MTHFD1L: variants seen among roughly 807,000 people sequenced by gnomAD.
The protein encoded by MTHFD1L is monofunctional C1-tetrahydrofolate synthase, mitochondrial.
MTHFD1L carries 81 observed loss-of-function variants against 119.5 expected under a neutral mutation model. That is an observed-to-expected ratio of 0.68 (90% confidence interval 0.57 to 0.82). MTHFD1L has a LOEUF of 0.82. MTHFD1L is among the 40% of genes least tolerant of loss of function. MTHFD1L has a pLI of 0.00. For synonymous variants in MTHFD1L, 430 were observed against 475.2 expected, an observed-to-expected ratio of 0.90 and a Z score of 1.24; for missense variants, 1,125 against 1,253.4, an observed-to-expected ratio of 0.90 and a Z score of 1.55.
chr6:150,885,695 C>A lies in MTHFD1L; in HGVS notation c.604C>A (p.Pro202Thr), dbSNP rs1448156543. 1 of 1,613,952 alleles carries A rather than the reference C, an allele frequency of 6.2e-7. No individual in the cohort carries two copies. Among genetic ancestry groups the A allele is most frequent in the Non-Finnish European group, 8.5e-7 (1 of 1,179,920 alleles). Residue 202 changes from proline to threonine, a missense_variant, in exon 6 of 28, where the codon CCT becomes ACT. Coordinates refer to ENST00000367321, the MANE Select transcript of MTHFD1L (RefSeq NM_015440.5). ...GGATGCCCATGAATGTTTTGTTTCA[C>A]CTGTTGCCAAAGCTGTAATTGAACT... ...RGDAHECFVS[P>T]VAKAVIELLE...
chr6:151,070,914 C>G (rs1043419043), intron 26 of MTHFD1L, among the ~76,000 whole-genome samples: 1 of 152,186 alleles, frequency 6.6e-6, no homozygotes, highest in Non-Finnish European at 1.5e-5. Flanking sequence ...GCATGCCATT[C>G]CCTAAAGCAG....
chr6:151,005,417 T>C (rs1375651292), intron 20 of MTHFD1L, among the ~76,000 whole-genome samples: 1 of 152,112 alleles, frequency 6.6e-6, no homozygotes, highest in East Asian at 1.9e-4. Flanking sequence ...TTCAGGACAG[T>C]TTTCAAACTG....
rs953153626 is a variant in MTHFD1L at position 150,936,872 on chromosome 6, C to T, written c.1325C>T (p.Ala442Val). The T allele has an allele frequency of 6.2e-7, 1 of 1,614,038 alleles. No homozygotes were observed. The highest frequency in any genetic ancestry group is 1.3e-5 in the African/African-American group (1 of 74,924). Residue 442 changes from alanine (A) to valine (V), a missense_variant, in exon 12 of 28, where the codon GCA becomes GTA. Transcript: ENST00000367321. ...VTIGLVQALT[A>V]HLNVNSFACL... ...ATCGGGCTTGTGCAGGCTCTGACCG[C>T]ACACCTGAATGTCAACTCCTTTGCC...
At chr6:150,929,670 G>T (rs1790665479) in intron 11 of MTHFD1L, among the ~76,000 whole-genome samples, 1 of 152,190 alleles carries the variant, frequency 6.6e-6, no homozygotes, top group African/African-American at 2.4e-5. Flanking sequence ...ATTTCTCCAC[G>T]CTGGCTTTTT....
intron 20 of MTHFD1L, among the ~76,000 whole-genome samples, chr6:150,980,856 G>T (rs1325554826): frequency 3.3e-5 from 5 of 151,980 alleles, no homozygotes; most frequent in African/African-American, 9.7e-5. Context: ...TCGTTTCCGG[G>T]TGTGTGTTTC....
chr6:150,955,524 G>A (rs1386414712), intron 16 of MTHFD1L, among the ~76,000 whole-genome samples: 1 of 146,192 alleles, frequency 6.8e-6, no homozygotes, highest in African/African-American at 2.5e-5. Context: ...TTTTTAGAGG[G>A]GGTCTCACTC....
intron 7 of MTHFD1L, among the ~76,000 whole-genome samples, chr6:150,896,263 T>C (rs1784189234): frequency 6.6e-6 from 1 of 152,206 alleles, no homozygotes; most frequent in Admixed American, 6.5e-5. Context: ...ACTCTTATTT[T>C]GTTTTGATGT....
intron 24 of MTHFD1L, among the ~76,000 whole-genome samples, chr6:151,018,346 G>A (rs1052070571): frequency 2.0e-5 from 3 of 152,226 alleles, no homozygotes; most frequent in Non-Finnish European, 2.9e-5. Flanking sequence ...TAAGCCTGGA[G>A]TCACAGTGGT....
At chr6:151,041,495 G>A (rs1035832351) in intron 26 of MTHFD1L, among the ~76,000 whole-genome samples, 3 of 152,168 alleles carry the variant, frequency 2.0e-5, no homozygotes, top group Non-Finnish European at 4.4e-5. Context: ...ACTTATTAGG[G>A]TGCTGCTGAA....
chr6:151,010,061 T>C (rs1782007132), intron 21 of MTHFD1L, 103 bp downstream of exon 21: 1 of 1,358,554 alleles, frequency 7.4e-7, no homozygotes, highest in Non-Finnish European at 9.6e-7. Context: ...TATAGTTTTC[T>C]AGAGTATTTT....
chr6:150,962,914 CTTT>C (rs4035893), intron 18 of MTHFD1L, among the ~76,000 whole-genome samples: 1,842 of 114,128 alleles, frequency 0.016, 14 homozygotes, highest in South Asian at 0.047. Context: ...CTTTTCTTTT[CTTT>C]TTTTTTTTTT....
intron 7 of MTHFD1L, among the ~76,000 whole-genome samples, chr6:150,891,389 A>C (rs1783241492): frequency 1.8e-5 from 2 of 109,326 alleles, no homozygotes; most frequent in Admixed American, 2.5e-4. Flanking sequence ...AACACAACAT[A>C]TATATATATA....
At chr6:150,916,737 CTTTTTTTTTT>C (rs57961829) in intron 8 of MTHFD1L, among the ~76,000 whole-genome samples, 380 of 71,740 alleles carry the variant, frequency 5.3e-3, no homozygotes, top group Non-Finnish European at 7.6e-3. Context: ...GATTCTATCC[CTTTTTTTTTT>C]TTTTTTTTTT....
chr6:151,035,964 G>A (rs911535388), intron 25 of MTHFD1L, among the ~76,000 whole-genome samples: 4 of 152,088 alleles, frequency 2.6e-5, no homozygotes, highest in African/African-American at 9.7e-5. Flanking sequence ...AATTCTTATC[G>A]GTATAGAAGA....
At chr6:151,016,651 T>C (rs1444042316) in intron 24 of MTHFD1L, 1 of 167,752 alleles carries the variant, frequency 6.0e-6, no homozygotes, top group African/African-American at 2.4e-5. Context: ...ATGGTTCTTT[T>C]CTCTTGTGGT....
At chr6:151,100,233 T>G (rs1301244730) in intron 27 of MTHFD1L, among the ~76,000 whole-genome samples, 1 of 152,076 alleles carries the variant, frequency 6.6e-6, no homozygotes, top group Non-Finnish European at 1.5e-5. Flanking sequence ...ACACGGGGTT[T>G]CACCGTGTTA....
chr6:151,071,681 G>A (rs1791958602), intron 26 of MTHFD1L, among the ~76,000 whole-genome samples: 1 of 152,066 alleles, frequency 6.6e-6, no homozygotes. Context: ...GGCAGATAAC[G>A]GAGCAGTAAC....
At chr6:150,911,205 A>G (rs1786828168) in intron 8 of MTHFD1L, among the ~76,000 whole-genome samples, 1 of 152,322 alleles carries the variant, frequency 6.6e-6, no homozygotes, top group Non-Finnish European at 1.5e-5. Flanking sequence ...GCAGCACTGT[A>G]TAAATTTCCT....
At chr6:150,891,026 C>G (rs1298129127) in intron 7 of MTHFD1L, among the ~76,000 whole-genome samples, 2 of 152,116 alleles carry the variant, frequency 1.3e-5, no homozygotes, top group African/African-American at 4.8e-5. Flanking sequence ...CCCTCTATCC[C>G]CCAGGCTGCA....
Sources: allele counts gnomAD v4.1 joint callset (sites outside exome capture counted in the v4.1 genomes callset), GRCh38; gene constraint gnomAD v4.1.1; transcripts MANE v1.5; gene names NCBI Gene and HGNC (gene_info 2026-07-23, HGNC 2026-07-21).